The following OXR1 variants were observed in gnomAD, a reference collection of about 807,000 sequenced individuals.
OXR1 encodes oxidation resistance protein 1.
A neutral mutation model predicts 104.6 loss-of-function variants in OXR1; 41 were observed. That is an observed-to-expected ratio of 0.39 (90% CI 0.31 to 0.51). OXR1 has a LOEUF of 0.51. OXR1 is among the 20% of genes least tolerant of loss of function. The pLI is 0.77. For missense variants in OXR1, 955 were observed against 1,031.9 expected (o/e 0.93, Z 1.02); for synonymous variants, 348 against 348.4 (o/e 1.00, Z 0.01).
chr8:106,352,938 T>G (rs1426816371), intron 1 of OXR1, among the ~76,000 whole-genome samples: 4 of 152,188 alleles, frequency 2.6e-5, no homozygotes, highest in Non-Finnish European at 5.9e-5. Context: ...ACACAAATTA[T>G]AAAAATTCAA....
intron 3 of OXR1, among the ~76,000 whole-genome samples, chr8:106,573,404 A>T (rs7840485): frequency 7.0e-4 from 107 of 152,004 alleles, no homozygotes; most frequent in African/African-American, 2.4e-3. Flanking sequence ...TGTGTGTTAT[A>T]CTTTCAGGAA....
intron 1 of OXR1, among the ~76,000 whole-genome samples, chr8:106,334,456 A>G (rs1245800486): frequency 6.6e-6 from 1 of 152,144 alleles, no homozygotes; most frequent in Non-Finnish European, 1.5e-5. Context: ...CTCTGACTAG[A>G]GCCTCCAGAA....
intron 3 of OXR1, among the ~76,000 whole-genome samples, chr8:106,532,375 T>G (rs1814163692): frequency 6.6e-6 from 1 of 152,242 alleles, no homozygotes; most frequent in Non-Finnish European, 1.5e-5. Context: ...GGATCCTACC[T>G]CTGCTATTCT....
At chr8:106,414,920 G>T (rs770062224) in intron 2 of OXR1, among the ~76,000 whole-genome samples, 88 of 152,210 alleles carry the variant, frequency 5.8e-4, no homozygotes, top group Middle Eastern at 6.8e-3. Flanking sequence ...GTCTTAATAA[G>T]GCTTAATAAA....
intron 3 of OXR1, among the ~76,000 whole-genome samples, chr8:106,577,363 A>G (rs889222530): frequency 7.2e-6 from 1 of 138,032 alleles, no homozygotes; most frequent in Non-Finnish European, 1.5e-5. Flanking sequence ...GGCGCCCGCC[A>G]CTATGCCCAG....
intron 3 of OXR1, among the ~76,000 whole-genome samples, chr8:106,668,335 CT>C (rs1563685384): frequency 6.6e-6 from 1 of 152,128 alleles, no homozygotes; most frequent in Non-Finnish European, 1.5e-5. Context: ...TCCATTTCCC[CT>C]AGTAGATGAT....
At chr8:106,343,563 A>C (rs1005259785) in intron 1 of OXR1, among the ~76,000 whole-genome samples, 5 of 152,168 alleles carry the variant, frequency 3.3e-5, no homozygotes, top group African/African-American at 1.2e-4. Flanking sequence ...AGAAACTCCA[A>C]CCTTCCCATG....
At chr8:106,285,697 A>C (rs1812467397) in intron 1 of OXR1, among the ~76,000 whole-genome samples, 3 of 151,850 alleles carry the variant, frequency 2.0e-5, no homozygotes, top group Non-Finnish European at 4.4e-5. Flanking sequence ...ACTTTCAAAG[A>C]CCCCTTAAAC....
chr8:106,714,115 G>A (rs568935963), intron 11 of OXR1, 130 bp downstream of exon 11: 52 of 616,034 alleles, frequency 8.4e-5, no homozygotes, highest in South Asian at 7.5e-4. Flanking sequence ...TTCACTATCC[G>A]TGTTTATTTG....
intron 7 of OXR1, among the ~76,000 whole-genome samples, chr8:106,694,903 A>T (rs1340053731): frequency 1.3e-5 from 1 of 78,568 alleles, no homozygotes; most frequent in East Asian, 3.4e-4. Context: ...AAATATATTT[A>T]TCTATTTACA....
chr8:106,473,863 TG>T (rs1821653342), intron 2 of OXR1, among the ~76,000 whole-genome samples: 1 of 150,416 alleles, frequency 6.6e-6, no homozygotes, highest in Non-Finnish European at 1.5e-5. Context: ...TTTTTTTTTT[TG>T]CCACCATTAT....
intron 3 of OXR1, among the ~76,000 whole-genome samples, chr8:106,578,244 T>C (rs1817993628): frequency 6.6e-6 from 1 of 152,222 alleles, no homozygotes; most frequent in African/African-American, 2.4e-5. Context: ...TTCCCTTTGC[T>C]GCCTAGCCCC....
intron 2 of OXR1, among the ~76,000 whole-genome samples, chr8:106,452,259 G>T (rs895141326): frequency 2.0e-5 from 3 of 152,112 alleles, no homozygotes; most frequent in Non-Finnish European, 4.4e-5. Context: ...TTATTCCATT[G>T]CATTTTCTTA....
chr8:106,551,705 T>C (rs1815818444), intron 3 of OXR1, among the ~76,000 whole-genome samples: 1 of 151,220 alleles, frequency 6.6e-6, no homozygotes. Context: ...CCCAGCACTT[T>C]CGGAGGCTGA....
intron 2 of OXR1, among the ~76,000 whole-genome samples, chr8:106,500,983 G>C (rs1465189945): frequency 6.6e-6 from 1 of 152,200 alleles, no homozygotes; most frequent in Admixed American, 6.5e-5. Context: ...GATGGAGAGA[G>C]TTGACAAATT....
At chr8:106,401,810 G>T (rs778160456) in intron 2 of OXR1, among the ~76,000 whole-genome samples, 2 of 152,148 alleles carry the variant, frequency 1.3e-5, no homozygotes, top group African/African-American at 2.4e-5. Flanking sequence ...CTAAGTAGTT[G>T]CTACTTCTTG....
intron 3 of OXR1, among the ~76,000 whole-genome samples, chr8:106,565,109 T>C (rs1816972182): frequency 6.6e-6 from 1 of 152,132 alleles, no homozygotes; most frequent in Non-Finnish European, 1.5e-5. Context: ...CTGTACAACA[T>C]AGTATTGGAA....
chr8:106,500,349 A>G (rs753999729), intron 2 of OXR1, among the ~76,000 whole-genome samples: 1 of 152,224 alleles, frequency 6.6e-6, no homozygotes, highest in Non-Finnish European at 1.5e-5. Flanking sequence ...TCAACTCATG[A>G]CTTAGAAACC....
chr8:106,692,820 G>C lies in OXR1; in HGVS notation c.618G>C (p.Glu206Asp). ...ARVVSSTSEE[E>D]EAFTEKFLKI... is the part of the protein sequence containing the mutation. ...TTGTATCTTCAACTTCTGAGGAGGA[G>C]GAAGCATTTACTGAGAAATTTCTTA... Residue 206 changes from glutamate to aspartate, a missense_variant, in exon 7 of 17, where the codon GAG becomes GAC. By Grantham distance (45) the Glu-to-Asp change is conservative. Transcript: ENST00000517566. 6.2e-7 allele frequency: 1 copy of C among 1,605,418 alleles called. No individual in the cohort carries two copies.
Sources: gnomAD v4.1 joint callset for allele counts (sites outside exome capture counted in the v4.1 genomes callset) on GRCh38, gnomAD v4.1.1 for gene constraint, MANE v1.5 for transcripts, NCBI Gene and HGNC (gene_info 2026-07-23, HGNC 2026-07-21) for gene names.